FOXN3: variants seen among roughly 807,000 people sequenced by gnomAD.
FOXN3 encodes forkhead box protein N3.
Under a neutral mutation model 38.4 loss-of-function variants are expected in FOXN3, and 7 were observed. That is an observed-to-expected ratio of 0.18 (90% CI 0.10 to 0.34). FOXN3 has a LOEUF of 0.34. Ranked by LOEUF, FOXN3 falls within the 10% of genes least tolerant of loss-of-function variation. FOXN3 has a pLI of 1.00. For synonymous variants in FOXN3, 230 were observed against 242.2 expected, an observed-to-expected ratio of 0.95 and a Z score of 0.47; for missense variants, 456 against 613.4, an observed-to-expected ratio of 0.74 and a Z score of 2.71.
chr14:89,525,127 G>A (rs1371240815), intron 1 of FOXN3, among the ~76,000 whole-genome samples: 1 of 152,118 alleles, frequency 6.6e-6, no homozygotes, highest in African/African-American at 2.4e-5. Flanking sequence ...CTTGAATAGG[G>A]GCTGGGTAAA....
At chr14:89,177,161 C>A (rs1336668997) in intron 5 of FOXN3, among the ~76,000 whole-genome samples, 1 of 152,088 alleles carries the variant, frequency 6.6e-6, no homozygotes, top group East Asian at 1.9e-4. Context: ...CAGGCACATA[C>A]CATCACACCC....
intron 1 of FOXN3, among the ~76,000 whole-genome samples, chr14:89,562,114 C>T (rs1596318326): frequency 6.6e-6 from 1 of 152,182 alleles, no homozygotes; most frequent in East Asian, 1.9e-4. Flanking sequence ...AACAATTTTG[C>T]TAATATCAAA....
At chr14:89,272,271 C>T (rs1886172192) in intron 4 of FOXN3, among the ~76,000 whole-genome samples, 1 of 151,926 alleles carries the variant, frequency 6.6e-6, no homozygotes, top group African/African-American at 2.4e-5. Context: ...TGAGATCGCA[C>T]CACTGCACTC....
chr14:89,546,329 C>CTTTCTTTTTTTTTTTT (rs1555359724), intron 1 of FOXN3, among the ~76,000 whole-genome samples: 3 of 78,332 alleles, frequency 3.8e-5, no homozygotes, highest in African/African-American at 1.6e-4. Context: ...TTTCCTTTTT[C>CTTTCTTTTTTTTTTTT]TTTTTTTTTT....
intron 1 of FOXN3, among the ~76,000 whole-genome samples, chr14:89,496,992 T>C (rs1029159183): frequency 2.0e-5 from 3 of 152,218 alleles, no homozygotes; most frequent in African/African-American, 7.2e-5. Flanking sequence ...TCTTGCTCTA[T>C]CTCCCAGGCT....
chr14:89,203,120 T>A (rs985110409), intron 4 of FOXN3, among the ~76,000 whole-genome samples: 2 of 146,750 alleles, frequency 1.4e-5, no homozygotes, highest in African/African-American at 5.0e-5. Flanking sequence ...GAGGAGAACA[T>A]ATTAAAAATA....
intron 1 of FOXN3, among the ~76,000 whole-genome samples, chr14:89,538,752 A>C (rs1414830043): frequency 6.6e-6 from 1 of 151,832 alleles, no homozygotes; most frequent in Non-Finnish European, 1.5e-5. Context: ...TCCCGACCTC[A>C]GGTGATCCGC....
At chr14:89,295,099 C>T (rs772851267) in intron 3 of FOXN3, among the ~76,000 whole-genome samples, 1 of 152,182 alleles carries the variant, frequency 6.6e-6, no homozygotes, top group African/African-American at 2.4e-5. Flanking sequence ...CCGCCTGGCA[C>T]AGGTCTCCAG....
chr14:89,445,862 C>G (rs910912049), intron 1 of FOXN3, among the ~76,000 whole-genome samples: 14 of 151,666 alleles, frequency 9.2e-5, no homozygotes, highest in Admixed American at 1.3e-4. Context: ...GGTGGAATCC[C>G]TTGAGCCCAG....
At chr14:89,368,182 T>C (rs1890211490) in intron 2 of FOXN3, among the ~76,000 whole-genome samples, 1 of 151,104 alleles carries the variant, frequency 6.6e-6, no homozygotes, top group African/African-American at 2.4e-5. Context: ...AATACAAAAT[T>C]AGCCAGGCAT....
At chr14:89,458,859 G>C (rs1424015068) in intron 1 of FOXN3, among the ~76,000 whole-genome samples, 1 of 152,078 alleles carries the variant, frequency 6.6e-6, no homozygotes. Context: ...CTTAAATAAA[G>C]ATTCACCACG....
At chr14:89,280,588 A>G (rs74472972) in intron 4 of FOXN3, among the ~76,000 whole-genome samples, 1,552 of 152,336 alleles carry the variant, frequency 0.01, 12 homozygotes, top group Middle Eastern at 0.017. Context: ...TTTTTGAAAC[A>G]TGTAAAGGGG....
chr14:89,334,182 T>C (rs1888367116), intron 3 of FOXN3, among the ~76,000 whole-genome samples: 1 of 151,696 alleles, frequency 6.6e-6, no homozygotes, highest in Non-Finnish European at 1.5e-5. Flanking sequence ...CTCACTTATA[T>C]ATGGAATTTT....
chr14:89,401,474 T>C (rs147869850), intron 2 of FOXN3: 7 of 421,536 alleles, frequency 1.7e-5, no homozygotes, highest in Admixed American at 5.2e-5. Context: ...CTCAGAACCA[T>C]AGCTGCAAAC....
At chr14:89,213,964 T>C (rs558997505) in intron 4 of FOXN3, among the ~76,000 whole-genome samples, 2 of 152,350 alleles carry the variant, frequency 1.3e-5, no homozygotes, top group Admixed American at 6.5e-5. Flanking sequence ...CTTTACTCAA[T>C]GAGTTTTCTC....
intron 1 of FOXN3, among the ~76,000 whole-genome samples, chr14:89,595,617 C>G (rs990148462): frequency 3.6e-4 from 55 of 152,264 alleles, no homozygotes; most frequent in African/African-American, 1.3e-3. Context: ...TTTCTTTATA[C>G]TCAGTAATTT....
intron 1 of FOXN3, among the ~76,000 whole-genome samples, chr14:89,542,271 T>C (rs2139849713): frequency 6.6e-6 from 1 of 152,322 alleles, no homozygotes; most frequent in Non-Finnish European, 1.5e-5. Flanking sequence ...AAGAGTGCCT[T>C]TGTTCTCCAG....
chr14:89,452,432 C>T (rs1892632015), intron 1 of FOXN3, among the ~76,000 whole-genome samples: 1 of 152,192 alleles, frequency 6.6e-6, no homozygotes. Flanking sequence ...AGACCGTCAT[C>T]GACCATCACA....
At chr14:89,585,726 C>T (rs2139917767) in intron 1 of FOXN3, among the ~76,000 whole-genome samples, 1 of 146,648 alleles carries the variant, frequency 6.8e-6, no homozygotes, top group Admixed American at 6.9e-5. Flanking sequence ...TTTATTTGTT[C>T]CTTCTCCACT....
Sources: gnomAD v4.1 joint callset for allele counts (sites outside exome capture counted in the v4.1 genomes callset) on GRCh38, gnomAD v4.1.1 for gene constraint, MANE v1.5 for transcripts, NCBI Gene and HGNC (gene_info 2026-07-23, HGNC 2026-07-21) for gene names.